The following EPB41 variants were observed in gnomAD, a reference collection of about 807,000 sequenced individuals.
EPB41 encodes the protein protein 4.1.
EPB41 carries 65 observed loss-of-function variants against 108.0 expected under a neutral mutation model. That is an observed-to-expected ratio of 0.60 (90% CI 0.49 to 0.74). The LOEUF (loss-of-function observed/expected upper bound fraction) is 0.74. Ranked by LOEUF, EPB41 falls within the 30% of genes least tolerant of loss-of-function variation. EPB41 has a pLI of 0.00. For missense variants in EPB41, 875 were observed against 1,037.0 expected, an observed-to-expected ratio of 0.84 and a Z score of 2.15; for synonymous variants, 336 against 358.9, an observed-to-expected ratio of 0.94 and a Z score of 0.72.
rs184190842 is a variant in EPB41, at chr1:28,944,415, G to A, written c.-8+29647G>A. Among the ~76,000 whole-genome samples, 149 of 151,918 alleles carry A rather than the reference G, an allele frequency of 9.8e-4. 1 individual carries two copies. The highest frequency in any genetic ancestry group is 2.4e-3 in the Admixed American group (37 of 15,256). On this transcript the variant is annotated intron_variant, in intron 1 of 20. Coordinates refer to ENST00000343067, the MANE Select transcript of EPB41 (RefSeq NM_001376013.1). ...AAAAATGCTTGAGAGGATGGATACC[G>A]CATTCTCCATGATGTGCTTCTTTCA...
chr1:28,935,489 C>T (rs1002081752), intron 1 of EPB41, among the ~76,000 whole-genome samples: 2 of 56,460 alleles, frequency 3.5e-5, no homozygotes, highest in Non-Finnish European at 7.6e-5. Flanking sequence ...CCAAGATCTA[C>T]GCACTAACTG....
chr1:28,950,806 G>A (rs2094689761), intron 1 of EPB41, among the ~76,000 whole-genome samples: 1 of 152,162 alleles, frequency 6.6e-6, no homozygotes, highest in African/African-American at 2.4e-5. Context: ...CAAGAGGGAA[G>A]AGACATCTTG....
chr1:28,979,598 T>G (rs1300437294), intron 1 of EPB41, among the ~76,000 whole-genome samples: 16 of 151,560 alleles, frequency 1.1e-4, no homozygotes, highest in Admixed American at 9.9e-4. Context: ...TATTCTTGAT[T>G]AGGGATTTGA....
Position 29,047,253 on chromosome 1 carries a change from C to CTTTTTTTTTTTTTTTTTTTTTT in EPB41, c.1637-5835_1637-5834insTTTTTTTTTTTTTTTTTTTTTT, listed in dbSNP as rs755248112. ...TGTTTCTTTTTTCTTTCTTTCTTTC[C>CTTTTTTTTTTTTTTTTTTTTTT]TTTTTTTTTTTTTTTTGGAGAGAGA... On this transcript the variant is annotated intron_variant, in intron 11 of 20. Transcript: ENST00000343067. Among the ~76,000 whole-genome samples, 47 of 100,522 alleles carry CTTTTTTTTTTTTTTTTTTTTTT rather than the reference C, an allele frequency of 4.7e-4. 1 individual carries two copies. The highest frequency in any genetic ancestry group is 1.1e-3 in the African/African-American group (22 of 19,752). 65.9% of individuals were successfully genotyped at this position (100,522 alleles called of 152,430 possible). A position where few individuals can be genotyped will look rare whatever the true frequency, so the allele number is the denominator to read the frequency against.
At chr1:29,043,185 GAT>G (rs1169458746) in intron 11 of EPB41, among the ~76,000 whole-genome samples, 1 of 152,150 alleles carries the variant, frequency 6.6e-6, no homozygotes, top group Non-Finnish European at 1.5e-5. Context: ...CAGGATGAGG[GAT>G]ATAGACTATC....
intron 16 of EPB41, chr1:29,072,149 C>A (rs919849809): frequency 4.6e-5 from 7 of 151,912 alleles, no homozygotes; most frequent in Non-Finnish European, 7.4e-5. Flanking sequence ...ATTTGGTGTG[C>A]GTATATATCT....
chr1:29,044,188 T>G (rs1642481237), intron 11 of EPB41, among the ~76,000 whole-genome samples: 1 of 152,216 alleles, frequency 6.6e-6, no homozygotes, highest in South Asian at 2.1e-4. Flanking sequence ...TTATCCCCAT[T>G]TTTCAGGTGA....
chr1:29,093,438 G>A (rs1031668022), intron 16 of EPB41, among the ~76,000 whole-genome samples: 2 of 152,240 alleles, frequency 1.3e-5, no homozygotes, highest in Non-Finnish European at 2.9e-5. Flanking sequence ...TATAGATGCT[G>A]GATATTAGAC....
chr1:29,056,309 CAT>C (rs949903507), intron 12 of EPB41, among the ~76,000 whole-genome samples: 1 of 151,626 alleles, frequency 6.6e-6, no homozygotes, highest in Non-Finnish European at 1.5e-5. Context: ...TACTTGAAGC[CAT>C]ATTTATTATA....
At chr1:28,984,054 C>T (rs912007215) in intron 1 of EPB41, among the ~76,000 whole-genome samples, 2 of 152,130 alleles carry the variant, frequency 1.3e-5, no homozygotes, top group Non-Finnish European at 2.9e-5. Flanking sequence ...TTATCTTCCT[C>T]TGAAGTACAG....
chr1:29,094,798 T>C (rs1662610149), intron 16 of EPB41, among the ~76,000 whole-genome samples: 1 of 152,186 alleles, frequency 6.6e-6, no homozygotes, highest in African/African-American at 2.4e-5. Flanking sequence ...CTCTTCCACA[T>C]TCTCTTCCAT....
At chr1:28,909,880 C>T (rs576434195), upstream of EPB41, among the ~76,000 whole-genome samples, 3 of 151,926 alleles carry the variant, frequency 2.0e-5, no homozygotes, top group Non-Finnish European at 2.9e-5. Flanking sequence ...ACCAGGAGTT[C>T]GAGACCAGTG....
At position 28,994,825 on chromosome 1, in the gene EPB41, A is replaced by AT. The variant is rs1321041429; in HGVS notation, c.681+1289dup. ...AGGCACATACCATCACACCTGGCTA[A>AT]TTTTTTATATTTTTTGTAGAGACAG... On this transcript the variant is annotated intron_variant, in intron 3 of 20. Coordinates refer to ENST00000343067, the MANE Select transcript of EPB41 (RefSeq NM_001376013.1). Among the ~76,000 whole-genome samples the AT allele has an allele frequency of 3.3e-5, 5 of 150,228 alleles. No individual in the cohort carries two copies. In the East Asian group the frequency reaches 1.0e-3, roughly 31 times the overall value.
At chr1:29,046,271 C>T (rs1440647915) in intron 11 of EPB41, among the ~76,000 whole-genome samples, 1 of 151,760 alleles carries the variant, frequency 6.6e-6, no homozygotes. Context: ...ATTACAGGTG[C>T]ACGCCACCAC....
Position 29,018,663 on chromosome 1 carries a change from A to T in EPB41, c.1124+221A>T, listed in dbSNP as rs1483048313. Among the ~76,000 whole-genome samples, 1 of 152,208 alleles carries T rather than the reference A, an allele frequency of 6.6e-6. No individual in the cohort carries two copies. The highest frequency in any genetic ancestry group is 1.5e-5 in the Non-Finnish European group (1 of 68,042). On this transcript the variant is annotated intron_variant, in intron 7 of 20. Transcript: ENST00000343067. The surrounding 1 kb of genome is among the most constrained non-coding windows in gnomAD (Gnocchi z 4.4). ...TGTAGGGTGAAAACTAAATGAGGTA[A>T]TATATGTAAAGCACTTAGCACAGTG... is the stretch of plus-strand genomic sequence containing the variant.
intron 1 of EPB41, among the ~76,000 whole-genome samples, chr1:28,968,937 C>T (rs1291171122): frequency 6.6e-6 from 1 of 150,832 alleles, no homozygotes; most frequent in Non-Finnish European, 1.5e-5. Context: ...TGGACTCCAG[C>T]CTGGGGGATA....
intron 1 of EPB41, among the ~76,000 whole-genome samples, chr1:28,922,329 GT>G (rs946068304): frequency 2.0e-5 from 3 of 152,004 alleles, no homozygotes; most frequent in Non-Finnish European, 2.9e-5. Context: ...GGAAATAGTT[GT>G]TGCCAAGTAA....
chr1:28,953,181 ATCTC>A (rs767811404), intron 1 of EPB41, among the ~76,000 whole-genome samples: 6 of 151,598 alleles, frequency 4.0e-5, no homozygotes, highest in East Asian at 3.9e-4. Flanking sequence ...GTATACTCTT[ATCTC>A]TCTCTCTCTT....
intron 11 of EPB41, among the ~76,000 whole-genome samples, chr1:29,046,056 G>T (rs1201111975): frequency 6.6e-6 from 1 of 151,834 alleles, no homozygotes; most frequent in East Asian, 1.9e-4. Flanking sequence ...TTGGTACATA[G>T]AAATACAATT....
Sources: gnomAD v4.1 joint callset for allele counts (sites outside exome capture counted in the v4.1 genomes callset) on GRCh38, gnomAD v4.1.1 for gene constraint, Gnocchi (gnomAD v3.1) non-coding constraint, MANE v1.5 for transcripts, NCBI Gene and HGNC (gene_info 2026-07-23, HGNC 2026-07-21) for gene names.